Variants in CDH23 observed in about 807,000 individuals in gnomAD.
CDH23 encodes cadherin related 23.
In CDH23, 189 loss-of-function variants were observed where a neutral mutation model predicts 317.1. That is an observed-to-expected ratio of 0.60 (90% CI 0.53 to 0.67). The LOEUF is 0.67. CDH23 is among the 30% of genes least tolerant of loss of function. The pLI is 0.00. For missense variants in CDH23, 4,401 were observed against 4,592.4 expected, an observed-to-expected ratio of 0.96 and a Z score of 1.20; for synonymous variants, 1,839 against 1,876.8, an observed-to-expected ratio of 0.98 and a Z score of 0.52.
intron 18 of CDH23, among the ~76,000 whole-genome samples, chr10:71,683,582 T>C (rs1864746657): frequency 6.6e-6 from 1 of 152,072 alleles, no homozygotes; most frequent in South Asian, 2.1e-4. Flanking sequence ...CTGGAAGTGA[T>C]GGGAAAGTCA....
chr10:71,738,675 T>C (rs1228986902), intron 35 of CDH23, 28 bp downstream of exon 35: 1 of 1,607,216 alleles, frequency 6.2e-7, no homozygotes, highest in East Asian at 2.2e-5. Flanking sequence ...ACAGCCAGGA[T>C]CCACCATGTC....
chr10:71,598,091 G>A (rs1055499483), intron 9 of CDH23, among the ~76,000 whole-genome samples: 1 of 152,254 alleles, frequency 6.6e-6, no homozygotes, highest in African/African-American at 2.4e-5. Context: ...TCCTTCCTGA[G>A]GCTCCACCCG....
At chr10:71,468,608 A>G (rs1157427670) in intron 3 of CDH23, among the ~76,000 whole-genome samples, 2 of 152,104 alleles carry the variant, frequency 1.3e-5, no homozygotes, top group African/African-American at 4.8e-5. Flanking sequence ...GGCTTCTGCC[A>G]CCTTTTCCCT....
chr10:71,713,148 T>A, intron 28 of CDH23: 1 of 778,440 alleles, frequency 1.3e-6, no homozygotes, highest in South Asian at 1.3e-5. Flanking sequence ...CGGAAAGGAG[T>A]TGAGAAGAGA....
chr10:71,478,676 C>T (rs1851915485), intron 3 of CDH23, among the ~76,000 whole-genome samples: 1 of 152,144 alleles, frequency 6.6e-6, no homozygotes, highest in South Asian at 2.1e-4. Flanking sequence ...CCATGCCTCC[C>T]CTGCCCCCTC....
At chr10:71,508,029 A>G (rs1252033065) in intron 3 of CDH23, 1 of 152,196 alleles carries the variant, frequency 6.6e-6, no homozygotes, top group Non-Finnish European at 1.5e-5. Context: ...ACCTTCTCCC[A>G]TCACCTTGGA....
In CDH23 at chr10:71,777,689, C is replaced by A; in HGVS notation, c.4855C>A (p.His1619Asn). 3 of 1,611,186 alleles carry A rather than the reference C, an allele frequency of 1.9e-6. No homozygotes were observed. Among genetic ancestry groups the A allele is most frequent in the Non-Finnish European group, 2.5e-6 (3 of 1,178,838 alleles). Residue 1619 changes from histidine to asparagine, a missense_variant, in exon 39 of 70, where the codon CAC becomes AAC. Coordinates refer to ENST00000224721, the MANE Select transcript of CDH23 (RefSeq NM_022124.6). ...CCACTCTTTTCCACAGGCCACCACGCACGTGTACGTGACCATTGTGGATGA... is the reference window on the plus strand; with the variant it reads ...CCACTCTTTTCCACAGGCCACCACGAACGTGTACGTGACCATTGTGGATGA... ...EGTPTLSATT[H>N]VYVTIVDEND... is the part of the protein sequence containing the mutation.
chr10:71,653,465 A>G (rs1004461351), intron 14 of CDH23, among the ~76,000 whole-genome samples: 1 of 152,146 alleles, frequency 6.6e-6, no homozygotes, highest in Non-Finnish European at 1.5e-5. Context: ...GAACTCTAAC[A>G]TGGGTTCTAC....
chr10:71,813,719 C>T lies in CDH23; in HGVS notation c.9738+371C>T, dbSNP rs552827527. Reference sequence around the variant, plus strand: ...GCCAGGAGTTCGAGACCAGTCTGGCCAACGTGGCGAAACCCCATCTGTACT... The same window carrying T: ...GCCAGGAGTTCGAGACCAGTCTGGCTAACGTGGCGAAACCCCATCTGTACT... On this transcript the variant is annotated intron_variant, in intron 69 of 69. Transcript: ENST00000224721. Among the ~76,000 whole-genome samples the T allele has an allele frequency of 2.6e-5, 4 of 152,176 alleles. No homozygotes were observed. The East Asian group carries it at 7.7e-4, about 29-fold the overall frequency.
At chr10:71,541,470 C>A (rs1007617281) in intron 6 of CDH23, among the ~76,000 whole-genome samples, 5 of 152,220 alleles carry the variant, frequency 3.3e-5, no homozygotes, top group Non-Finnish European at 7.3e-5. Context: ...AGGGCAGGTC[C>A]CAGAGCTGCA....
At chr10:71,435,018 C>G (rs2131992062) in intron 1 of CDH23, among the ~76,000 whole-genome samples, 1 of 152,338 alleles carries the variant, frequency 6.6e-6, no homozygotes, top group Middle Eastern at 3.4e-3. Context: ...GCCACAGGGT[C>G]TTGCCCAGAG....
Position 71,812,965 on chromosome 10 carries a change from TAG to T in CDH23, c.9633+79_9633+80del, listed in dbSNP as rs1236584036. ...CCCCACTCCAGAGAACACAGGGTGG[TAG>T]AGACCTCCAGGCTCAGCTAGACCCA... On this transcript the variant is annotated intron_variant, in intron 68 of 69. Coordinates refer to ENST00000224721, the MANE Select transcript of CDH23 (RefSeq NM_022124.6). The T allele has an allele frequency of 1.9e-6, 3 of 1,581,438 alleles. No homozygotes were observed. In the African/African-American group the frequency reaches 4.0e-5, roughly 21 times the overall value.
At position 71,740,911 on chromosome 10, in the gene CDH23, C is replaced by T; in HGVS notation, c.4578C>T (p.Val1526=). 4 of 1,613,998 alleles carry T rather than the reference C, an allele frequency of 2.5e-6. No individual in the cohort carries two copies. The highest frequency in any genetic ancestry group is 3.4e-6 in the Non-Finnish European group (4 of 1,179,888). Residue 1526 remains valine, a synonymous_variant, in exon 37 of 70, where the codon GTC becomes GTT. Transcript: ENST00000224721. ...TILDINDNPP[V]IESPFGYNVS... ...TGGACATCAATGACAACCCTCCAGTCATCGAGAGCCCCTTTGGATACAATG... is the reference window on the plus strand; with the variant it reads ...TGGACATCAATGACAACCCTCCAGTTATCGAGAGCCCCTTTGGATACAATG...
rs772986316 is a variant in CDH23, at chr10:71,785,061, T to C, written c.5673T>C (p.Thr1891=). The C allele has an allele frequency of 1.2e-6, 2 of 1,614,096 alleles. No homozygotes were observed. Among genetic ancestry groups the C allele is most frequent in the Non-Finnish European group, 8.5e-7 (1 of 1,179,908 alleles). ...ATGCACGCCTCACCTTCAACATCAC[T>C]GCGGGCAACCGCGAGCGGGCCTTCT... The part of the protein sequence containing the change: ...GCNARLTFNI[T]AGNRERAFFI... The change falls in exon 43 of 70, where the codon ACT becomes ACC. Residue 1891 remains threonine (T), a synonymous_variant. Transcript: ENST00000224721.
chr10:71,518,620 G>A (rs940848901), intron 6 of CDH23, among the ~76,000 whole-genome samples: 4 of 152,226 alleles, frequency 2.6e-5, no homozygotes, highest in African/African-American at 9.6e-5. Flanking sequence ...GCACCTCCGT[G>A]ATTTCGGTCA....
At chr10:71,456,819 C>CAG (rs1276930955) in intron 3 of CDH23, among the ~76,000 whole-genome samples, 5 of 152,236 alleles carry the variant, frequency 3.3e-5, no homozygotes, top group Non-Finnish European at 7.3e-5. Flanking sequence ...AGTTGAGGAG[C>CAG]AGAGGCTCAG....
At chr10:71,543,240 C>G (rs1393532441) in intron 6 of CDH23, among the ~76,000 whole-genome samples, 3 of 152,230 alleles carry the variant, frequency 2.0e-5, no homozygotes, top group African/African-American at 7.2e-5. Context: ...AGGGCTTTCA[C>G]TTCTGCAGCC....
At chr10:71,550,751 C>T (rs552302229) in intron 6 of CDH23, among the ~76,000 whole-genome samples, 5 of 152,228 alleles carry the variant, frequency 3.3e-5, no homozygotes, top group African/African-American at 1.2e-4. Flanking sequence ...TGAGTGTACA[C>T]CAGGCATGCT....
chr10:71,753,760 G>C (rs1840064891), intron 38 of CDH23: 2 of 456,392 alleles, frequency 4.4e-6, no homozygotes, highest in East Asian at 6.9e-5. Context: ...TGCTGATTAC[G>C]ATGGGGAAAC....
Sources: allele counts gnomAD v4.1 joint callset (sites outside exome capture counted in the v4.1 genomes callset), GRCh38; gene constraint gnomAD v4.1.1; transcripts MANE v1.5; gene names NCBI Gene and HGNC (gene_info 2026-07-23, HGNC 2026-07-21).